The following ZFPM2 variants were observed in gnomAD, a reference collection of about 807,000 sequenced individuals.
ZFPM2 encodes the protein zinc finger protein ZFPM2.
In ZFPM2, 20 loss-of-function variants were observed where a neutral mutation model predicts 98.6. The ratio of observed to expected loss-of-function variants is 0.20; its 90% confidence interval spans 0.14 to 0.29. The LOEUF (loss-of-function observed/expected upper bound fraction) is 0.29, where lower values mean the gene tolerates loss of function less well. Ranked by LOEUF, ZFPM2 falls within the 10% of genes least tolerant of loss-of-function variation. ZFPM2 has a pLI of 1.00. For missense variants in ZFPM2, 1,310 were observed against 1,388.6 expected (o/e 0.94, Z 0.90); for synonymous variants, 518 against 502.7 (o/e 1.03, Z -0.41).
chr8:105,488,760 T>A (rs1336964914), intron 3 of ZFPM2, among the ~76,000 whole-genome samples: 59 of 151,834 alleles, frequency 3.9e-4, no homozygotes, highest in Non-Finnish European at 1.3e-4. Flanking sequence ...CGAGACTCCA[T>A]CTCAAAAAAA....
At chr8:105,584,549 C>T (rs1211110499) in intron 4 of ZFPM2, among the ~76,000 whole-genome samples, 1 of 152,142 alleles carries the variant, frequency 6.6e-6, no homozygotes, top group African/African-American at 2.4e-5. Flanking sequence ...GCTCCCAACC[C>T]TCTATCTCCT....
chr8:105,335,710 G>A (rs1486085721), intron 1 of ZFPM2, among the ~76,000 whole-genome samples: 1 of 151,766 alleles, frequency 6.6e-6, no homozygotes, highest in African/African-American at 2.4e-5. Context: ...TAGATCCAGA[G>A]CAAGGCCTAG....
chr8:105,634,284 T>A lies in ZFPM2; in HGVS notation c.459T>A (p.Gly153=). 6.2e-7 allele frequency: 1 copy of A among 1,613,104 alleles called. No individual in the cohort carries two copies. The highest frequency in any genetic ancestry group is 8.5e-7 in the Non-Finnish European group (1 of 1,179,506). ...AGGTCCCAATGGTGCTGACTGCTGG[T>A]CCCAAGTGGTTGCTGGATGTGACTT... ...KAQVPMVLTA[G]PKWLLDVTWQ... is the part of the protein sequence containing the mutation. Residue 153 remains glycine (G), a synonymous_variant, in exon 5 of 8, where the codon GGT becomes GGA. Coordinates refer to ENST00000407775, the MANE Select transcript of ZFPM2 (RefSeq NM_012082.4).
At chr8:105,681,863 T>A (rs1810612864) in intron 5 of ZFPM2, among the ~76,000 whole-genome samples, 1 of 152,140 alleles carries the variant, frequency 6.6e-6, no homozygotes, top group South Asian at 2.1e-4. Flanking sequence ...CATTTATAAT[T>A]AAGGTTTAGT....
intron 5 of ZFPM2, among the ~76,000 whole-genome samples, chr8:105,747,977 G>T (rs759011938): frequency 1.3e-5 from 2 of 151,954 alleles, no homozygotes; most frequent in Non-Finnish European, 2.9e-5. Flanking sequence ...TGTAGCGTTT[G>T]GTATATAGGC....
At chr8:105,480,395 AC>A (rs1364463700) in intron 3 of ZFPM2, among the ~76,000 whole-genome samples, 7 of 152,216 alleles carry the variant, frequency 4.6e-5, no homozygotes, top group Non-Finnish European at 1.0e-4. Context: ...AACTGAGCCT[AC>A]AAATATAACT....
At chr8:105,778,144 G>A (rs1813149487) in intron 5 of ZFPM2, among the ~76,000 whole-genome samples, 2 of 152,104 alleles carry the variant, frequency 1.3e-5, no homozygotes, top group South Asian at 4.1e-4. Context: ...CCACTGTCAA[G>A]AATTTCAACA....
intron 4 of ZFPM2, among the ~76,000 whole-genome samples, chr8:105,623,360 C>T (rs1307524707): frequency 6.6e-6 from 1 of 152,052 alleles, no homozygotes; most frequent in Non-Finnish European, 1.5e-5. Flanking sequence ...CCATTAACTT[C>T]AAATATTGTA....
chr8:105,716,420 A>G (rs1811525921), intron 5 of ZFPM2, among the ~76,000 whole-genome samples: 1 of 151,950 alleles, frequency 6.6e-6, no homozygotes, highest in Non-Finnish European at 1.5e-5. Context: ...ACATAAATAT[A>G]TATACATACA....
intron 4 of ZFPM2, among the ~76,000 whole-genome samples, chr8:105,585,046 C>A (rs1815682424): frequency 1.3e-5 from 2 of 152,250 alleles, no homozygotes; most frequent in South Asian, 4.2e-4. Flanking sequence ...TAATTTAGGA[C>A]AGGGAAGCAT....
chr8:105,363,104 C>T lies in ZFPM2; in HGVS notation c.40+44123C>T, dbSNP rs1028590862. ...CACTCACCTTTACATGGGTCAAGGA[C>T]TTTGCACAAATCGGACTACATGAAT... is the stretch of plus-strand genomic sequence containing the variant. On this transcript the variant is annotated intron_variant, in intron 1 of 7. Coordinates refer to ENST00000407775, the MANE Select transcript of ZFPM2 (RefSeq NM_012082.4). Among the ~76,000 whole-genome samples the T allele has an allele frequency of 8.5e-5, 13 of 152,094 alleles. 1 individual carries two copies. The highest frequency in any genetic ancestry group is 7.9e-4 in the Admixed American group (12 of 15,266).
At chr8:105,706,607 AGTCTCACTGTC>A (rs1213572507) in intron 5 of ZFPM2, among the ~76,000 whole-genome samples, 2 of 151,980 alleles carry the variant, frequency 1.3e-5, no homozygotes, top group African/African-American at 4.8e-5. Context: ...TTGGAAATAG[AGTCTCACTGTC>A]ACTCAGGCTG....
At chr8:105,645,561 C>T (rs536385131) in intron 5 of ZFPM2, among the ~76,000 whole-genome samples, 7 of 152,196 alleles carry the variant, frequency 4.6e-5, no homozygotes, top group Non-Finnish European at 1.0e-4. Flanking sequence ...TAAAGAATGA[C>T]AAGGCTCATA....
At chr8:105,354,803 A>C (rs183018150) in intron 1 of ZFPM2, among the ~76,000 whole-genome samples, 1 of 152,236 alleles carries the variant, frequency 6.6e-6, no homozygotes, top group East Asian at 1.9e-4. Context: ...AAATACAAAA[A>C]ATTAGCTGGG....
intron 1 of ZFPM2, among the ~76,000 whole-genome samples, chr8:105,352,589 T>C (rs1333388706): frequency 1.0e-4 from 15 of 145,902 alleles, no homozygotes; most frequent in Admixed American, 1.0e-3. Flanking sequence ...ATTTTACCGT[T>C]TTTTTTTTTT....
At chr8:105,611,603 A>G (rs1586148994) in intron 4 of ZFPM2, among the ~76,000 whole-genome samples, 3 of 152,154 alleles carry the variant, frequency 2.0e-5, no homozygotes, top group African/African-American at 7.2e-5. Flanking sequence ...AGATGGGAGA[A>G]GGCTGAAGAG....
chr8:105,362,905 C>G (rs1810435478), intron 1 of ZFPM2, among the ~76,000 whole-genome samples: 1 of 152,158 alleles, frequency 6.6e-6, no homozygotes, highest in African/African-American at 2.4e-5. Context: ...TCTAGCATAG[C>G]TGTTGATTTT....
At position 105,382,831 on chromosome 8, in the gene ZFPM2, A is replaced by T. The variant is rs1325936105; in HGVS notation, c.41-36313A>T. ...AAATAATTATGGGACTTCAAAGAGT[A>T]TAAAGGAAGTATTAATGGATAATAT... On this transcript the variant is annotated intron_variant, in intron 1 of 7. Coordinates refer to ENST00000407775, the MANE Select transcript of ZFPM2 (RefSeq NM_012082.4). Among the ~76,000 whole-genome samples the T allele has an allele frequency of 2.0e-5, 3 of 152,198 alleles. No individual in the cohort carries two copies. In the East Asian group the frequency reaches 5.8e-4, roughly 29 times the overall value.
intron 4 of ZFPM2, among the ~76,000 whole-genome samples, chr8:105,626,533 TG>T (rs1218621394): frequency 1.3e-5 from 2 of 151,974 alleles, no homozygotes; most frequent in Admixed American, 6.6e-5. Flanking sequence ...CATTTAAATG[TG>T]GGGAATAATG....
Sources: gnomAD v4.1 joint callset for allele counts (sites outside exome capture counted in the v4.1 genomes callset) on GRCh38, gnomAD v4.1.1 for gene constraint, MANE v1.5 for transcripts, NCBI Gene and HGNC (gene_info 2026-07-23, HGNC 2026-07-21) for gene names.